The following ROBO2 variants were observed in gnomAD, a reference collection of about 807,000 sequenced individuals.
ROBO2 encodes roundabout guidance receptor 2.
ROBO2 carries 53 observed loss-of-function variants against 160.8 expected under a neutral mutation model. The ratio of observed to expected loss-of-function variants is 0.33; its 90% CI spans 0.26 to 0.41. The LOEUF is 0.41. Among genes scored for constraint, ROBO2 ranks in the 10% least tolerant of loss-of-function variants. The probability of loss-of-function intolerance (pLI) is 1.00; values close to 1 mark genes in which losing one functional copy is unlikely to be tolerated. For synonymous variants in ROBO2, 664 were observed against 611.7 expected, an observed-to-expected ratio of 1.09 and a Z score of -1.26; for missense variants, 1,577 against 1,722.4, an observed-to-expected ratio of 0.92 and a Z score of 1.49.
chr3:76,007,341 C>T (rs2066051592), intron 2 of ROBO2, among the ~76,000 whole-genome samples: 3 of 152,058 alleles, frequency 2.0e-5, no homozygotes. Context: ...TTTTTAAAAA[C>T]ATAAAACACA....
intron 2 of ROBO2, among the ~76,000 whole-genome samples, chr3:77,218,319 T>C (rs1221189573): frequency 6.6e-6 from 1 of 152,130 alleles, no homozygotes; most frequent in Non-Finnish European, 1.5e-5. Context: ...TTTTTCTCGA[T>C]CCTTAGGCTT....
chr3:77,092,614 T>C (rs1171003441), intron 1 of ROBO2, among the ~76,000 whole-genome samples: 1 of 145,970 alleles, frequency 6.9e-6, no homozygotes, highest in Non-Finnish European at 1.5e-5. Context: ...TAATATATAT[T>C]ATTATATATA....
intron 2 of ROBO2, among the ~76,000 whole-genome samples, chr3:76,357,719 A>T (rs1310978084): frequency 6.6e-6 from 1 of 151,916 alleles, no homozygotes; most frequent in East Asian, 1.9e-4. Context: ...TCTCATTGGG[A>T]TCTACCCAAA....
At chr3:76,524,738 T>G (rs1293715064) in intron 2 of ROBO2, among the ~76,000 whole-genome samples, 1 of 148,604 alleles carries the variant, frequency 6.7e-6, no homozygotes, top group Non-Finnish European at 1.5e-5. Context: ...TAAATGTTGT[T>G]TCCCTCACTT....
At chr3:77,034,832 A>G (rs1377275490) in intron 2 of ROBO2, among the ~76,000 whole-genome samples, 2 of 151,994 alleles carry the variant, frequency 1.3e-5, no homozygotes, top group Admixed American at 6.6e-5. Context: ...CAAATTCCAG[A>G]TCGGAGCAGA....
chr3:76,339,889 A>C (rs1243817027), intron 2 of ROBO2, among the ~76,000 whole-genome samples: 2 of 152,128 alleles, frequency 1.3e-5, no homozygotes, highest in Non-Finnish European at 2.9e-5. Flanking sequence ...ATATTAACAT[A>C]TATATGTGTA....
chr3:76,364,664 T>C (rs564025579), intron 2 of ROBO2, among the ~76,000 whole-genome samples: 2 of 152,174 alleles, frequency 1.3e-5, no homozygotes, highest in South Asian at 4.1e-4. Flanking sequence ...ATCTGATTTT[T>C]CACATAAAAC....
chr3:77,484,643 A>C (rs2085127539), intron 4 of ROBO2, among the ~76,000 whole-genome samples: 1 of 151,748 alleles, frequency 6.6e-6, no homozygotes, highest in East Asian at 1.9e-4. Flanking sequence ...TTGATGTATC[A>C]ATTTCATACA....
At chr3:77,164,611 G>A (rs1485705767) in intron 2 of ROBO2, among the ~76,000 whole-genome samples, 1 of 131,104 alleles carries the variant, frequency 7.6e-6, no homozygotes, top group Non-Finnish European at 1.6e-5. Context: ...GCCCCTACTG[G>A]GAAGTGAGGA....
intron 2 of ROBO2, among the ~76,000 whole-genome samples, chr3:76,719,940 ACTT>A (rs1467905375): frequency 6.6e-6 from 1 of 152,114 alleles, no homozygotes; most frequent in African/African-American, 2.4e-5. Context: ...AAATCACTTA[ACTT>A]CTTAATTGAG....
intron 2 of ROBO2, among the ~76,000 whole-genome samples, chr3:77,297,644 T>C (rs919875928): frequency 6.6e-5 from 10 of 152,118 alleles, no homozygotes; most frequent in Non-Finnish European, 1.2e-4. Flanking sequence ...GGATCTAACT[T>C]TAAAGATATG....
chr3:76,996,588 G>A (rs1021480678), intron 2 of ROBO2, among the ~76,000 whole-genome samples: 1 of 148,662 alleles, frequency 6.7e-6, no homozygotes, highest in Non-Finnish European at 1.5e-5. Flanking sequence ...CCCTGAGCAT[G>A]GAATGTTCTT....
chr3:76,640,527 C>T (rs567844004), intron 2 of ROBO2, among the ~76,000 whole-genome samples: 5 of 126,198 alleles, frequency 4.0e-5, no homozygotes, highest in African/African-American at 1.6e-4. Context: ...GAGTGAAGCT[C>T]CGTCTCAAAA....
At position 76,995,770 on chromosome 3, in the gene ROBO2, T is replaced by C. The variant is rs546023034; in HGVS notation, c.110-102244T>C. ...TCTTCTTTTGAGAAGTGTCTGTTCATATCGTTTGCCCACTTTTTGATGGGG... is the reference window on the plus strand; with the variant it reads ...TCTTCTTTTGAGAAGTGTCTGTTCACATCGTTTGCCCACTTTTTGATGGGG... On this transcript the variant is annotated intron_variant, in intron 2 of 26. Coordinates refer to the ROBO2 transcript ENST00000487694. Among the ~76,000 whole-genome samples the C allele has an allele frequency of 5.9e-5, 9 of 152,336 alleles. No individual in the cohort carries two copies. The South Asian group carries it at 1.9e-3, about 32-fold the overall frequency.
chr3:76,077,390 C>T (rs2068677970), intron 2 of ROBO2, among the ~76,000 whole-genome samples: 1 of 152,012 alleles, frequency 6.6e-6, no homozygotes, highest in Admixed American at 6.5e-5. Context: ...TGGTGAAACC[C>T]CGTCTCTACT....
chr3:77,293,764 C>G lies in ROBO2; in HGVS notation c.389-183650C>G, dbSNP rs373677376. Among the ~76,000 whole-genome samples, 94 of 140,306 alleles carry G rather than the reference C, an allele frequency of 6.7e-4. 3 individuals are homozygous for G. The East Asian group carries it at 0.014, about 21-fold the overall frequency. 92.0% of individuals were successfully genotyped at this position (140,306 alleles called of 152,430 possible). ...TAAGCTGAGGCTAGATCACCCCAGA[C>G]ATAAAGTAAAATTGATGGTTAAACG... On this transcript the variant is annotated intron_variant, in intron 2 of 25. Transcript: ENST00000461745.
chr3:77,445,502 T>C (rs1168266782), intron 2 of ROBO2, among the ~76,000 whole-genome samples: 4 of 152,068 alleles, frequency 2.6e-5, no homozygotes, highest in Admixed American at 2.6e-4. Context: ...AATAATTATA[T>C]ATCGCAACTA....
chr3:76,311,897 G>C (rs762414935), intron 2 of ROBO2, among the ~76,000 whole-genome samples: 3 of 152,136 alleles, frequency 2.0e-5, no homozygotes, highest in Non-Finnish European at 4.4e-5. Context: ...AAGATAAATT[G>C]CATTAACTTT....
At chr3:76,534,698 A>T (rs937516139) in intron 2 of ROBO2, among the ~76,000 whole-genome samples, 4 of 152,080 alleles carry the variant, frequency 2.6e-5, no homozygotes, top group African/African-American at 9.7e-5. Context: ...ATGTGTATCA[A>T]CCCAAACCAG....
Sources: allele counts gnomAD v4.1 joint callset (sites outside exome capture counted in the v4.1 genomes callset), GRCh38; gene constraint gnomAD v4.1.1; transcripts MANE v1.5; gene names NCBI Gene and HGNC (gene_info 2026-07-23, HGNC 2026-07-21).